CDA: variants seen among roughly 807,000 people sequenced by gnomAD.
The protein encoded by CDA is cytidine aminohydrolase.
A neutral mutation model predicts 15.0 loss-of-function variants in CDA; 7 were observed. That is an observed-to-expected ratio of 0.47 (90% CI 0.26 to 0.87). CDA has a LOEUF of 0.87. Ranked by LOEUF, CDA falls within the 40% of genes least tolerant of loss-of-function variation. CDA has a pLI of 0.15. For missense variants in CDA, 159 were observed against 182.7 expected, an observed-to-expected ratio of 0.87 and a Z score of 0.75; for synonymous variants, 58 against 73.0, an observed-to-expected ratio of 0.79 and a Z score of 1.05.
chr1:20,605,038 A>T lies in CDA; in HGVS notation c.265A>T (p.Ser89Cys), dbSNP rs746582704. ...GGATTTCAGGGCAATTGCTATCGCC[A>T]GGTGAGTGGGAAAGCCAGGTTGCAA... ...YKDFRAIAIASDMQDDFISPC... is the reference protein window; with the variant it reads ...YKDFRAIAIACDMQDDFISPC... The change falls in exon 2 of 4, where the codon AGT becomes TGT. Residue 89 changes from serine (S) to cysteine (C), a missense_variant and splice_region_variant. Physicochemically the swap from Ser to Cys is moderately radical, Grantham distance 112. Coordinates refer to ENST00000375071, the MANE Select transcript of CDA (RefSeq NM_001785.3). 9 of 1,591,990 alleles carry T rather than the reference A, an allele frequency of 5.7e-6. No individual in the cohort carries two copies. Among genetic ancestry groups the T allele is most frequent in the Non-Finnish European group, 7.8e-6 (9 of 1,160,110 alleles).
At chr1:20,616,864 G>T (rs1365310991) in intron 3 of CDA, among the ~76,000 whole-genome samples, 2 of 152,196 alleles carry the variant, frequency 1.3e-5, no homozygotes, top group Non-Finnish European at 2.9e-5. Flanking sequence ...AAAGCCAGAA[G>T]ATTGAGTGTG....
chr1:20,616,924 T>G (rs1214067364), intron 3 of CDA, among the ~76,000 whole-genome samples: 26 of 152,214 alleles, frequency 1.7e-4, no homozygotes, highest in Non-Finnish European at 3.7e-4. Context: ...AACAGGAGGC[T>G]GCAGACCTGA....
At chr1:20,616,652 G>A (rs1351517148) in intron 3 of CDA, among the ~76,000 whole-genome samples, 1 of 152,176 alleles carries the variant, frequency 6.6e-6, no homozygotes, top group Admixed American at 6.5e-5. Flanking sequence ...CAGATTGGAT[G>A]TTGGCAAACG....
intron 3 of CDA, among the ~76,000 whole-genome samples, chr1:20,615,712 C>T (rs1193782411): frequency 4.0e-5 from 6 of 151,836 alleles, no homozygotes; most frequent in African/African-American, 1.4e-4. Context: ...CCTCGAAATA[C>T]GGCATCTTGT....
chr1:20,592,096 A>G (rs545055482), intron 1 of CDA, among the ~76,000 whole-genome samples: 1 of 152,196 alleles, frequency 6.6e-6, no homozygotes, highest in Admixed American at 6.5e-5. Context: ...TCAGCCTCCC[A>G]AAGTGCTGGG....
chr1:20,613,762 G>A (rs1570387154), intron 2 of CDA, 80 bp from the exon 3 acceptor site: 23 of 1,332,044 alleles, frequency 1.7e-5, no homozygotes, highest in East Asian at 6.9e-5. Context: ...GGAACAGACC[G>A]AGTCTCAGGG....
At chr1:20,608,841 G>C (rs577142748) in intron 2 of CDA, among the ~76,000 whole-genome samples, 1 of 152,230 alleles carries the variant, frequency 6.6e-6, no homozygotes, top group Non-Finnish European at 1.5e-5. Flanking sequence ...CCTTGGGCAA[G>C]TCGTTTCACC....
At chr1:20,590,478 A>G (rs1006053467) in intron 1 of CDA, among the ~76,000 whole-genome samples, 1 of 152,164 alleles carries the variant, frequency 6.6e-6, no homozygotes, top group Non-Finnish European at 1.5e-5. Context: ...CGCAAACACC[A>G]TTGCAACTCA....
intron 3 of CDA, among the ~76,000 whole-genome samples, chr1:20,614,976 C>G (rs561088913): frequency 6.6e-6 from 1 of 152,114 alleles, no homozygotes; most frequent in African/African-American, 2.4e-5. Flanking sequence ...ATTCTCCTGC[C>G]TCAGCCTCCC....
chr1:20,615,892 C>G (rs780421825), intron 3 of CDA, among the ~76,000 whole-genome samples: 4 of 152,074 alleles, frequency 2.6e-5, no homozygotes, highest in Non-Finnish European at 5.9e-5. Context: ...CCTAGCTGCT[C>G]CAGAGGCTGA....
intron 3 of CDA, among the ~76,000 whole-genome samples, chr1:20,615,873 G>A (rs1031567476): frequency 6.6e-6 from 1 of 152,076 alleles, no homozygotes; most frequent in Non-Finnish European, 1.5e-5. Context: ...TAGTGTGCAC[G>A]CCTGTGGTCC....
intron 3 of CDA, among the ~76,000 whole-genome samples, chr1:20,615,987 G>A (rs1276436922): frequency 6.6e-6 from 1 of 152,116 alleles, no homozygotes; most frequent in Non-Finnish European, 1.5e-5. Flanking sequence ...GTGACAGAGC[G>A]AGATCCGGTC....
At chr1:20,596,905 C>T (rs2052596118) in intron 1 of CDA, among the ~76,000 whole-genome samples, 1 of 151,970 alleles carries the variant, frequency 6.6e-6, no homozygotes, top group South Asian at 2.1e-4. Context: ...AGATCACAGG[C>T]ATGCACCACC....
chr1:20,596,120 G>A (rs1357246022), intron 1 of CDA, among the ~76,000 whole-genome samples: 2 of 152,134 alleles, frequency 1.3e-5, no homozygotes, highest in African/African-American at 4.8e-5. Flanking sequence ...TTGCACTCCA[G>A]CCTGGGTAAC....
chr1:20,612,804 G>A (rs916059134), intron 2 of CDA, among the ~76,000 whole-genome samples: 16 of 151,962 alleles, frequency 1.1e-4, no homozygotes, highest in Admixed American at 3.3e-4. Flanking sequence ...TTAGCCGGGC[G>A]TGGTGGTGCA....
intron 1 of CDA, among the ~76,000 whole-genome samples, chr1:20,598,048 G>A (rs2052605612): frequency 2.6e-5 from 4 of 152,176 alleles, no homozygotes; most frequent in Admixed American, 2.6e-4. Context: ...CTCAGGCCAT[G>A]CTGTGGTTTG....
chr1:20,609,743 G>A (rs1570384656), intron 2 of CDA, among the ~76,000 whole-genome samples: 1 of 152,250 alleles, frequency 6.6e-6, no homozygotes, highest in East Asian at 1.9e-4. Context: ...GACATGTCTG[G>A]AATGAAGTGA....
At chr1:20,612,741 G>A (rs1160135589) in intron 2 of CDA, among the ~76,000 whole-genome samples, 4 of 152,018 alleles carry the variant, frequency 2.6e-5, no homozygotes, top group South Asian at 2.1e-4. Flanking sequence ...TCAGGAGATC[G>A]AGACCATCCT....
chr1:20,618,866 C>T lies in CDA; in HGVS notation c.*298C>T. 2.5e-6 allele frequency: 1 copy of T among 400,088 alleles called. No individual in the cohort carries two copies. The highest frequency in any genetic ancestry group is 2.2e-5 in the South Asian group (1 of 45,138). The allele number at this position is 400,088 out of a possible 1,614,324, so 24.8% of individuals were successfully genotyped here. A position where few individuals can be genotyped will look rare whatever the true frequency, so the allele number is the denominator to read the frequency against. Reference sequence around the variant, plus strand: ...TCCCAAGGTTCTATCCTGTTCCGAGCAACTTTTCTAATTATAAACATCACA... The same window carrying T: ...TCCCAAGGTTCTATCCTGTTCCGAGTAACTTTTCTAATTATAAACATCACA... On this transcript the variant is annotated 3_prime_UTR_variant, in exon 4 of 4. Coordinates refer to ENST00000375071, the MANE Select transcript of CDA (RefSeq NM_001785.3).
Sources: allele counts gnomAD v4.1 joint callset (sites outside exome capture counted in the v4.1 genomes callset), GRCh38; gene constraint gnomAD v4.1.1; transcripts MANE v1.5; gene names NCBI Gene and HGNC (gene_info 2026-07-23, HGNC 2026-07-21).